Variants in MROH9 observed in about 807,000 individuals in gnomAD.
The protein encoded by MROH9 is maestro heat like repeat family member 9, also known as maestro heat-like repeat-containing protein family member 9.
Under a neutral mutation model 98.2 loss-of-function variants are expected in MROH9, and 92 were observed. That is an observed-to-expected ratio of 0.94 (90% CI 0.79 to 1.11). The LOEUF is 1.11. Ranked by LOEUF, MROH9 falls within the 50% of genes most tolerant of loss-of-function variation. MROH9 has a pLI of 0.00. For missense variants in MROH9, 1,057 were observed against 1,014.8 expected, an observed-to-expected ratio of 1.04 and a Z score of -0.57; for synonymous variants, 397 against 368.9, an observed-to-expected ratio of 1.08 and a Z score of -0.87.
At chr1:171,048,096 G>C (rs1204200160) in intron 20 of MROH9, among the ~76,000 whole-genome samples, 1 of 152,134 alleles carries the variant, frequency 6.6e-6, no homozygotes, top group African/African-American at 2.4e-5. Flanking sequence ...TGACTGCACT[G>C]GGTCGACCTG....
At chr1:171,043,359 A>G (rs1475387628) in intron 20 of MROH9, among the ~76,000 whole-genome samples, 1 of 151,974 alleles carries the variant, frequency 6.6e-6, no homozygotes, top group African/African-American at 2.4e-5. Flanking sequence ...TGCCGGTACC[A>G]TGTTGTTTTG....
At position 170,936,000 on chromosome 1, in the gene MROH9, A is replaced by G. The variant is rs1173968758; in HGVS notation, c.-38+413A>G. Among the ~76,000 whole-genome samples the G allele has an allele frequency of 4.0e-5, 6 of 150,102 alleles. No individual in the cohort carries two copies. In the East Asian group the frequency reaches 5.8e-4, roughly 15 times the overall value. ...AGTGAGACAAAAAAAAAAAAAAAAA[A>G]AAAAAAAAGAAAAGAAAAAGAAAAT... is the stretch of plus-strand genomic sequence containing the variant. On this transcript the variant is annotated intron_variant, in intron 1 of 21. Transcript: ENST00000367759.
At chr1:170,960,191 A>C (rs1649964609) in intron 5 of MROH9, among the ~76,000 whole-genome samples, 1 of 152,198 alleles carries the variant, frequency 6.6e-6, no homozygotes, top group Non-Finnish European at 1.5e-5. Flanking sequence ...TTAATGTAGA[A>C]ACTTTCTCAG....
intron 20 of MROH9, among the ~76,000 whole-genome samples, chr1:171,054,853 A>G (rs1166915859): frequency 2.0e-5 from 3 of 152,186 alleles, no homozygotes; most frequent in African/African-American, 7.2e-5. Flanking sequence ...TCAAAAAATC[A>G]TAGATGTTGG....
chr1:171,014,907 G>T (rs1380777637), intron 16 of MROH9: 1 of 458,920 alleles, frequency 2.2e-6, no homozygotes, highest in Non-Finnish European at 4.5e-6. Context: ...CCACCAATCT[G>T]TGTTTTAAAG....
chr1:170,951,179 G>A lies in MROH9; in HGVS notation c.72+3606G>A, dbSNP rs539938057. ...CAAACACAATTATTGCCAATAGTGT[G>A]ATAAGGAGTTTTGTCAAAAATATAA... On this transcript the variant is annotated intron_variant, in intron 3 of 21. Coordinates refer to ENST00000367759, the MANE Select transcript of MROH9 (RefSeq NM_001163629.2). 2.1e-4 allele frequency among the ~76,000 whole-genome samples: 32 copies of A among 152,160 alleles called. No homozygotes were observed. The South Asian group carries it at 2.5e-3, about 12-fold the overall frequency.
At position 171,000,414 on chromosome 1, in the gene MROH9, T is replaced by C. The variant is rs558359771; in HGVS notation, c.1596+2140T>C. Among the ~76,000 whole-genome samples, 21 of 152,272 alleles carry C rather than the reference T, an allele frequency of 1.4e-4. No homozygotes were observed. The South Asian group carries it at 4.1e-3, about 30-fold the overall frequency. On this transcript the variant is annotated intron_variant, in intron 15 of 21. Coordinates refer to ENST00000367759, the MANE Select transcript of MROH9 (RefSeq NM_001163629.2). ...TTTTATTACATTAAGCTATGTCCCTTGTATGCCGATTTTGCTGAGGGTTTT... is the reference window on the plus strand; with the variant it reads ...TTTTATTACATTAAGCTATGTCCCTCGTATGCCGATTTTGCTGAGGGTTTT...
chr1:170,990,749 A>G (rs940823230), intron 11 of MROH9, among the ~76,000 whole-genome samples: 7 of 152,186 alleles, frequency 4.6e-5, no homozygotes, highest in African/African-American at 1.7e-4. Flanking sequence ...ATTTTATGTG[A>G]CATTATGCAA....
chr1:170,961,969 T>C lies in MROH9; in HGVS notation c.368T>C (p.Ile123Thr), dbSNP rs748655380. Reference protein sequence around the residue: ...LVSKDLYKLQILKEMLVWMSK... With the variant: ...LVSKDLYKLQTLKEMLVWMSK... ...TCTAAAGACCTCTACAAACTACAGA[T>C]CTTAAAGGTAAAGAGGAAATAAGTA... The change falls in exon 6 of 22, where the codon ATC (isoleucine) becomes ACC (threonine). Residue 123 changes from isoleucine to threonine, a missense_variant. Ile to Thr is a moderately conservative substitution (Grantham distance 89). Transcript: ENST00000367759. 3 of 1,511,456 alleles carry C rather than the reference T, an allele frequency of 2.0e-6. No individual in the cohort carries two copies. Among genetic ancestry groups the C allele is most frequent in the East Asian group, 4.9e-5 (2 of 41,046 alleles). The allele number at this position is 1,511,456 out of a possible 1,614,324, so 93.6% of individuals were successfully genotyped here.
At chr1:171,022,734 C>T (rs1283472954) in intron 17 of MROH9, among the ~76,000 whole-genome samples, 2 of 151,978 alleles carry the variant, frequency 1.3e-5, no homozygotes, top group Non-Finnish European at 2.9e-5. Context: ...CCTAAACTTT[C>T]TGCACTTGTA....
At chr1:170,945,108 A>C (rs918721839) in intron 1 of MROH9, among the ~76,000 whole-genome samples, 6 of 151,976 alleles carry the variant, frequency 3.9e-5, no homozygotes, top group Non-Finnish European at 8.8e-5. Context: ...TCATATGGCA[A>C]GAAACCGCAG....
chr1:171,015,727 C>A (rs1652302579), intron 16 of MROH9, among the ~76,000 whole-genome samples: 1 of 152,042 alleles, frequency 6.6e-6, no homozygotes, highest in Non-Finnish European at 1.5e-5. Flanking sequence ...AGCCAGGTGT[C>A]TGAAAATAAG....
At chr1:170,950,699 C>G (rs1300342161) in intron 3 of MROH9, among the ~76,000 whole-genome samples, 2 of 152,016 alleles carry the variant, frequency 1.3e-5, no homozygotes, top group African/African-American at 4.8e-5. Flanking sequence ...TATGTTCAAA[C>G]AAATAAATAA....
At chr1:170,963,549 A>T (rs1244353791) in intron 6 of MROH9, among the ~76,000 whole-genome samples, 1 of 152,198 alleles carries the variant, frequency 6.6e-6, no homozygotes, top group African/African-American at 2.4e-5. Flanking sequence ...TTGTTGCAGC[A>T]CTATTCATAA....
rs781084958 is a variant in MROH9 at position 170,992,317 on chromosome 1, G to A, written c.1182G>A (p.Leu394=). 6.2e-6 allele frequency: 10 copies of A among 1,612,840 alleles called. No homozygotes were observed. The South Asian group carries it at 9.9e-5, about 16-fold the overall frequency. ...GTTTCTCTCTTGATATTACCAACTT[G>A]ATGCCTTTGGCGGTAAATAACACGA... ...GKRFSLDITN[L]MPLAACQALC... The change falls in exon 12 of 22, where the codon TTG becomes TTA. Residue 394 remains leucine (L), a synonymous_variant. Transcript: ENST00000367759.
intron 20 of MROH9, among the ~76,000 whole-genome samples, chr1:171,040,289 G>A (rs1653255465): frequency 6.6e-6 from 1 of 152,032 alleles, no homozygotes; most frequent in Admixed American, 6.6e-5. Context: ...AATCTAGAGA[G>A]CTAATGTATA....
At chr1:171,047,439 G>A (rs1653504566) in intron 20 of MROH9, among the ~76,000 whole-genome samples, 1 of 152,060 alleles carries the variant, frequency 6.6e-6, no homozygotes, top group African/African-American at 2.4e-5. Flanking sequence ...TGCTATTAAA[G>A]TACTCTGATG....
intron 8 of MROH9, among the ~76,000 whole-genome samples, chr1:170,972,827 A>ACAC (rs1491482500): frequency 2.1e-4 from 21 of 99,424 alleles, no homozygotes; most frequent in Middle Eastern, 4.9e-3. Flanking sequence ...AAAAAAAAAA[A>ACAC]ATACACACAC....
chr1:171,022,738 A>C (rs1311274008), intron 17 of MROH9, among the ~76,000 whole-genome samples: 1 of 152,136 alleles, frequency 6.6e-6, no homozygotes, highest in Non-Finnish European at 1.5e-5. Context: ...AACTTTCTGC[A>C]CTTGTATCCC....
Sources: gnomAD v4.1 joint callset for allele counts (sites outside exome capture counted in the v4.1 genomes callset) on GRCh38, gnomAD v4.1.1 for gene constraint, MANE v1.5 for transcripts, NCBI Gene and HGNC (gene_info 2026-07-23, HGNC 2026-07-21) for gene names.